Variants in SVEP1 observed in about 807,000 individuals in gnomAD.
SVEP1 encodes the protein sushi, von Willebrand factor type A, EGF and pentraxin domain-containing protein 1.
SVEP1 carries 164 observed loss-of-function variants against 367.3 expected under a neutral mutation model. The ratio of observed to expected loss-of-function variants is 0.45; its 90% CI spans 0.39 to 0.51. SVEP1 has a LOEUF of 0.51. SVEP1 is among the 20% of genes least tolerant of loss of function. The probability of loss-of-function intolerance (pLI) is 0.00; values close to 1 mark genes in which losing one functional copy is unlikely to be tolerated. For synonymous variants in SVEP1, 1,666 were observed against 1,611.6 expected, an observed-to-expected ratio of 1.03 and a Z score of -0.81; for missense variants, 4,117 against 4,425.3, an observed-to-expected ratio of 0.93 and a Z score of 1.98.
chr9:110,423,311 G>A (rs568894633), intron 36 of SVEP1, among the ~76,000 whole-genome samples: 1 of 152,082 alleles, frequency 6.6e-6, no homozygotes, highest in African/African-American at 2.4e-5. Context: ...TGGAAAAGAT[G>A]CAAAGAACAT....
Position 110,546,167 on chromosome 9 carries a change from C to A in SVEP1, c.912G>T (p.Glu304Asp). The change falls in exon 3 of 48, where the codon GAG becomes GAT. Residue 304 changes from glutamate to aspartate, a missense_variant. Physicochemically the swap from Glu to Asp is conservative, Grantham distance 45. Transcript: ENST00000374469. ...CKCGTHTGHF[E>D]CICEKGYYGK... is the part of the protein sequence containing the mutation. ...CGTAATACCCCTTTTCACAGATGCA[C>A]TCAAAATGGCCTGTGTGTGTCCCAC... 1 of 1,556,156 alleles carries A rather than the reference C, an allele frequency of 6.4e-7. No homozygotes were observed. Among genetic ancestry groups the A allele is most frequent in the Non-Finnish European group, 8.7e-7 (1 of 1,149,182 alleles).
chr9:110,411,826 A>C, intron 36 of SVEP1, 91 bp from the exon 37 acceptor site: 1 of 1,167,930 alleles, frequency 8.6e-7, no homozygotes, highest in African/African-American at 1.6e-5. Flanking sequence ...TCTTTCCCAC[A>C]ATGACTTTAA....
intron 1 of SVEP1, among the ~76,000 whole-genome samples, chr9:110,558,928 A>T (rs1189828401): frequency 2.0e-5 from 3 of 152,150 alleles, no homozygotes; most frequent in African/African-American, 7.2e-5. Context: ...TTTGGCTCCA[A>T]TGCAACACAA....
In SVEP1 at chr9:110,443,588, T is replaced by A. The variant is rs760328029; in HGVS notation, c.4596A>T (p.Leu1532Phe). 1.2e-6 allele frequency: 2 copies of A among 1,612,802 alleles called. No homozygotes were observed. Among genetic ancestry groups the A allele is most frequent in the Non-Finnish European group, 1.7e-6 (2 of 1,179,394 alleles). ...GIWKVYIDGK[L>F]SDGGAGLSVG... ...CAGAGAGGCCAGCACCACCGTCAGA[T>A]AATTTCCCATCGATATAGACTTTCC... Residue 1532 changes from leucine to phenylalanine, a missense_variant, in exon 27 of 48, where the codon TTA becomes TTT. Physicochemically the swap from Leu to Phe is conservative, Grantham distance 22. Transcript: ENST00000374469.
intron 13 of SVEP1, among the ~76,000 whole-genome samples, chr9:110,477,306 C>T (rs1588072312): frequency 6.6e-6 from 1 of 152,116 alleles, no homozygotes; most frequent in Admixed American, 6.6e-5. Flanking sequence ...TCTAAGATTC[C>T]ACGATCCATC....
At chr9:110,434,793 C>T (rs1828408877) in intron 29 of SVEP1, among the ~76,000 whole-genome samples, 1 of 149,608 alleles carries the variant, frequency 6.7e-6, no homozygotes, top group Admixed American at 6.7e-5. Context: ...CTAAGAAACT[C>T]ATTTAAATAA....
chr9:110,446,911 C>T lies in SVEP1; in HGVS notation c.4250G>A (p.Arg1417Lys), dbSNP rs530859594. ...GAGTTGATACATACCTGTTTCACAC[C>T]TTTTGCCTGAAAATCCTGGCTGACA... ...CKCQPGFSGK[R>K]CETEQSTGFN... Residue 1417 changes from arginine (R) to lysine (K), a missense_variant, in exon 25 of 48, where the codon AGG (arginine) becomes AAG (lysine). By Grantham distance (26) the Arg-to-Lys change is conservative. Transcript: ENST00000374469. 4.6e-6 allele frequency: 7 copies of T among 1,535,308 alleles called. No individual in the cohort carries two copies. In the African/African-American group the frequency reaches 6.9e-5, roughly 15 times the overall value.
chr9:110,549,275 A>G (rs899647373), intron 2 of SVEP1, among the ~76,000 whole-genome samples: 25 of 152,218 alleles, frequency 1.6e-4, no homozygotes, highest in African/African-American at 5.8e-4. Context: ...ATTATAATTT[A>G]TAATTAAATT....
chr9:110,389,299 G>C (rs1188542667), intron 41 of SVEP1, among the ~76,000 whole-genome samples: 4 of 152,152 alleles, frequency 2.6e-5, no homozygotes, highest in East Asian at 1.9e-4. Flanking sequence ...TCCAGAGTCA[G>C]TAATCTTGTG....
intron 40 of SVEP1, among the ~76,000 whole-genome samples, chr9:110,392,687 G>GT (rs1408526909): frequency 2.6e-5 from 4 of 152,084 alleles, no homozygotes; most frequent in Admixed American, 6.5e-5. Flanking sequence ...TGAGTTGTCT[G>GT]TTTTTAAAAT....
chr9:110,496,846 A>T lies in SVEP1; in HGVS notation c.1769T>A (p.Ile590Asn). 1 of 1,557,718 alleles carries T rather than the reference A, an allele frequency of 6.4e-7. No homozygotes were observed. The highest frequency in any genetic ancestry group is 8.7e-7 in the Non-Finnish European group (1 of 1,149,234). ...ACCAGAGTTGTCTTTAGCTGTTGGA[A>T]TCTGCCAGGTAACATTGGCAGAATC... ...QQDSANVTWQ[I>N]PTAKDNSGEK... Residue 590 changes from isoleucine to asparagine, a missense_variant, in exon 8 of 48, where the codon ATT (isoleucine) becomes AAT (asparagine). Ile to Asn is a moderately radical substitution (Grantham distance 149). Transcript: ENST00000374469.
chr9:110,571,047 A>T (rs1830557230), intron 1 of SVEP1, among the ~76,000 whole-genome samples: 1 of 145,016 alleles, frequency 6.9e-6, no homozygotes, highest in South Asian at 2.2e-4. Flanking sequence ...CGCGATCTCA[A>T]CTCACTGCAA....
chr9:110,397,676 C>T (rs1361003686), intron 40 of SVEP1, among the ~76,000 whole-genome samples: 2 of 152,154 alleles, frequency 1.3e-5, no homozygotes, highest in Admixed American at 6.5e-5. Context: ...GTGCAAAAAT[C>T]ACAAGCATTC....
Position 110,579,602 on chromosome 9 carries a change from C to G in SVEP1, c.-59G>C. On this transcript the variant is annotated 5_prime_UTR_variant, in exon 1 of 48. Transcript: ENST00000374469. The surrounding 1 kb of genome is among the most constrained non-coding windows in gnomAD (Gnocchi z 5.3). ...AGGCGGCGGCTCGGGCGGGAAGAGG[C>G]GCTGGGCGGCCGGACTCGCAGAGGG... is the stretch of plus-strand genomic sequence containing the variant. 5 of 1,474,388 alleles carry G rather than the reference C, an allele frequency of 3.4e-6. No individual in the cohort carries two copies. The highest frequency in any genetic ancestry group is 4.5e-6 in the Non-Finnish European group (5 of 1,119,862). 91.3% of individuals were successfully genotyped at this position (1,474,388 alleles called of 1,614,324 possible). A position where few individuals can be genotyped will look rare whatever the true frequency, so the allele number is the denominator to read the frequency against.
chr9:110,463,168 C>T (rs1231282941), intron 18 of SVEP1, among the ~76,000 whole-genome samples: 1 of 151,528 alleles, frequency 6.6e-6, no homozygotes, highest in East Asian at 1.9e-4. Context: ...TGGTGTCATC[C>T]TAGTCTAAAC....
At chr9:110,509,358 AG>A (rs1390021926) in intron 5 of SVEP1, among the ~76,000 whole-genome samples, 2 of 152,242 alleles carry the variant, frequency 1.3e-5, no homozygotes, top group African/African-American at 4.8e-5. Flanking sequence ...TGAAAGTGTA[AG>A]GGCCTGGGTA....
chr9:110,401,512 G>C (rs1827860627), intron 39 of SVEP1, among the ~76,000 whole-genome samples: 1 of 148,674 alleles, frequency 6.7e-6, no homozygotes, highest in Admixed American at 6.7e-5. Context: ...ATTTTTGAAG[G>C]GGTCATGTAG....
At chr9:110,500,771 C>A (rs1198324212) in intron 6 of SVEP1, among the ~76,000 whole-genome samples, 1 of 152,020 alleles carries the variant, frequency 6.6e-6, no homozygotes. Context: ...ATCTGTATGG[C>A]AATCCTTGCA....
chr9:110,432,134 C>T (rs1268672892), intron 31 of SVEP1, 100 bp from the exon 32 acceptor site: 1 of 1,227,486 alleles, frequency 8.1e-7, no homozygotes, highest in African/African-American at 1.5e-5. Context: ...ACGTAATGCA[C>T]AACACTTCAT....
Sources: allele counts gnomAD v4.1 joint callset (sites outside exome capture counted in the v4.1 genomes callset), GRCh38; gene constraint gnomAD v4.1.1; non-coding constraint Gnocchi (gnomAD v3.1); transcripts MANE v1.5; gene names NCBI Gene and HGNC (gene_info 2026-07-23, HGNC 2026-07-21).